The following COL26A1 variants were observed in gnomAD, a reference collection of about 807,000 sequenced individuals.
COL26A1 encodes the protein collagen type XXVI alpha 1 chain, also known as collagen alpha-1(XXVI) chain.
COL26A1 carries 41 observed loss-of-function variants against 59.3 expected under a neutral mutation model. The ratio of observed to expected loss-of-function variants is 0.69; its 90% CI spans 0.54 to 0.90. COL26A1 has a LOEUF of 0.90. Ranked by LOEUF, COL26A1 falls within the 40% of genes least tolerant of loss-of-function variation. The pLI, the probability that COL26A1 is intolerant of heterozygous loss-of-function variation, is 0.00. For missense variants in COL26A1, 612 were observed against 602.3 expected (o/e 1.02, Z -0.17); for synonymous variants, 266 against 256.0 (o/e 1.04, Z -0.37).
chr7:101,394,964 C>T (rs115856353), intron 1 of COL26A1, among the ~76,000 whole-genome samples: 1 of 142,606 alleles, frequency 7.0e-6, no homozygotes, highest in Non-Finnish European at 1.5e-5. Flanking sequence ...ACCTCTGCCT[C>T]CCAGGTTAAG....
chr7:101,507,646 C>T (rs548547586), intron 3 of COL26A1, among the ~76,000 whole-genome samples: 25 of 152,136 alleles, frequency 1.6e-4, no homozygotes, highest in African/African-American at 5.3e-4. Context: ...CTCCAACTCC[C>T]GGGATTAAGT....
Position 101,557,992 on chromosome 7 carries a change from G to C in COL26A1, c.*462G>C, listed in dbSNP as rs940115097. The C allele has an allele frequency of 2.6e-5, 4 of 153,038 alleles. No individual in the cohort carries two copies. The highest frequency in any genetic ancestry group is 9.6e-5 in the African/African-American group (4 of 41,490). The allele number at this position is 153,038 out of a possible 1,614,324, so 9.5% of individuals were successfully genotyped here. ...ACCAGATCACGGGTGGCAGGGGCAG[G>C]ATTTGAACCCAGGACCCTCAGTTCC... On this transcript the variant is annotated 3_prime_UTR_variant, in exon 13 of 13. Transcript: ENST00000313669.
chr7:101,512,273 G>A (rs1794941777), intron 3 of COL26A1, among the ~76,000 whole-genome samples: 1 of 152,156 alleles, frequency 6.6e-6, no homozygotes, highest in Non-Finnish European at 1.5e-5. Flanking sequence ...GAGGCAACAA[G>A]AAAACTTGTC....
chr7:101,451,646 T>C (rs1793340426), intron 3 of COL26A1, among the ~76,000 whole-genome samples: 2 of 151,020 alleles, frequency 1.3e-5, no homozygotes, highest in Admixed American at 6.6e-5. Context: ...GTTGAGCCTA[T>C]GGGGTAGTAA....
At chr7:101,497,651 C>T (rs6465812) in intron 3 of COL26A1, among the ~76,000 whole-genome samples, 14 of 151,604 alleles carry the variant, frequency 9.2e-5, no homozygotes, top group African/African-American at 2.7e-4. Context: ...ACCCCAGCCT[C>T]GGCAACAGAG....
At position 101,412,959 on chromosome 7, in the gene COL26A1, G is replaced by A. The variant is rs1352309213; in HGVS notation, c.159-7018G>A. Reference sequence around the variant, plus strand: ...AGGGCAGCAGGCAGCCTCGGAGAGGGGTTGACTGGTCACATTCCGAGATGG... The same window carrying A: ...AGGGCAGCAGGCAGCCTCGGAGAGGAGTTGACTGGTCACATTCCGAGATGG... On this transcript the variant is annotated intron_variant, in intron 1 of 12. Transcript: ENST00000313669. 2.0e-5 allele frequency among the ~76,000 whole-genome samples: 3 copies of A among 152,166 alleles called. No homozygotes were observed. In the East Asian group the frequency reaches 5.8e-4, roughly 29 times the overall value.
intron 1 of COL26A1, among the ~76,000 whole-genome samples, chr7:101,406,141 A>T (rs569645537): frequency 1.3e-5 from 2 of 152,166 alleles, no homozygotes; most frequent in South Asian, 4.1e-4. Flanking sequence ...TTGCAAAAAG[A>T]TTTGGTCAGT....
intron 3 of COL26A1, among the ~76,000 whole-genome samples, chr7:101,506,281 G>A (rs1002679176): frequency 5.9e-5 from 9 of 152,368 alleles, no homozygotes; most frequent in African/African-American, 2.2e-4. Flanking sequence ...GCAAGCACAT[G>A]TTTTCTGCAC....
chr7:101,445,846 A>G (rs895326983), intron 2 of COL26A1, among the ~76,000 whole-genome samples: 6 of 151,436 alleles, frequency 4.0e-5, no homozygotes, highest in East Asian at 3.9e-4. Context: ...TCAGGAGATC[A>G]AGAGCATCCT....
Position 101,363,127 on chromosome 7 carries a change from TGCA to T in COL26A1, c.102_104del (p.Gln34del). The T allele has an allele frequency of 6.5e-7, 1 of 1,530,518 alleles. No individual in the cohort carries two copies. Among genetic ancestry groups the T allele is most frequent in the Non-Finnish European group, 8.7e-7 (1 of 1,146,958 alleles). The allele number at this position is 1,530,518 out of a possible 1,614,324, so 94.8% of individuals were successfully genotyped here. On this transcript the variant is annotated inframe_deletion, in exon 1 of 13. Transcript: ENST00000313669. ...CTCTATCCCTTCTCGGCCGCAGCTC[TGCA>T]GCAGCACGGCTACCCCGAGCCCGGC...
intron 7 of COL26A1, 47 bp downstream of exon 7, chr7:101,545,537 G>A (rs1795718941): frequency 6.4e-7 from 1 of 1,550,788 alleles, no homozygotes; most frequent in Non-Finnish European, 8.6e-7. Flanking sequence ...GCTACGCTGT[G>A]TTCTGGGAGG....
At chr7:101,526,319 G>A (rs1054715298) in intron 3 of COL26A1, among the ~76,000 whole-genome samples, 1 of 152,134 alleles carries the variant, frequency 6.6e-6, no homozygotes, top group Non-Finnish European at 1.5e-5. Context: ...AAAGTGCTGG[G>A]ATTATAAGCA....
At chr7:101,462,479 G>A (rs1430433884) in intron 3 of COL26A1, among the ~76,000 whole-genome samples, 1 of 151,896 alleles carries the variant, frequency 6.6e-6, no homozygotes, top group Non-Finnish European at 1.5e-5. Flanking sequence ...ACCACACCTG[G>A]CTAATTTTTG....
intron 7 of COL26A1, among the ~76,000 whole-genome samples, chr7:101,546,140 G>A (rs763654257): frequency 1.8e-4 from 28 of 152,224 alleles, no homozygotes; most frequent in Non-Finnish European, 3.7e-4. Flanking sequence ...AGGACTCTGG[G>A]CCTAAGGGAC....
intron 2 of COL26A1, among the ~76,000 whole-genome samples, chr7:101,429,293 T>C (rs1396457259): frequency 1.3e-5 from 2 of 152,134 alleles, no homozygotes; most frequent in African/African-American, 4.8e-5. Context: ...TTTTGAGTTA[T>C]TTTTTGCATA....
intron 3 of COL26A1, among the ~76,000 whole-genome samples, chr7:101,463,864 T>TTTTCTTTTCTTTC (rs1422185337): frequency 8.3e-6 from 1 of 120,392 alleles, no homozygotes; most frequent in African/African-American, 3.8e-5. Flanking sequence ...TTTTTCTCTT[T>TTTTCTTTTCTTTC]TTTCTTTTCT....
intron 2 of COL26A1, among the ~76,000 whole-genome samples, chr7:101,432,209 G>T (rs896386726): frequency 2.0e-5 from 3 of 151,990 alleles, no homozygotes; most frequent in Non-Finnish European, 2.9e-5. Context: ...TGATCCACCC[G>T]CTTCAGCTTC....
intron 3 of COL26A1, among the ~76,000 whole-genome samples, chr7:101,508,003 G>A (rs192633742): frequency 5.3e-5 from 8 of 152,236 alleles, no homozygotes; most frequent in East Asian, 1.9e-4. Flanking sequence ...ATATGATGGC[G>A]CCCTCTAGGG....
rs755061020 is a variant in COL26A1, at chr7:101,363,222, T to TG, written c.158+38dup. On this transcript the variant is annotated intron_variant, in intron 1 of 12. Transcript: ENST00000313669. ...AGCTCGGGGCCGAGGGGCCGGGGGG[T>TG]GGGGGGAGGGAGCGGACAGCGGGGG... The TG allele has an allele frequency of 1.1e-5, 4 of 356,782 alleles. 1 individual carries two copies. The highest frequency in any genetic ancestry group is 7.0e-5 in the East Asian group (1 of 14,302). 22.1% of individuals were successfully genotyped at this position (356,782 alleles called of 1,614,324 possible). A position where few individuals can be genotyped will look rare whatever the true frequency, so the allele number is the denominator to read the frequency against.
Sources: allele counts gnomAD v4.1 joint callset (sites outside exome capture counted in the v4.1 genomes callset), GRCh38; gene constraint gnomAD v4.1.1; transcripts MANE v1.5; gene names NCBI Gene and HGNC (gene_info 2026-07-23, HGNC 2026-07-21).